TTPAL: variants seen among roughly 807,000 people sequenced by gnomAD.
TTPAL encodes alpha-tocopherol transfer protein-like.
TTPAL carries 21 observed loss-of-function variants against 28.7 expected under a neutral mutation model. The ratio of observed to expected loss-of-function variants is 0.73; its 90% CI spans 0.52 to 1.06. The LOEUF is 1.06. Ranked by LOEUF, TTPAL falls within the 50% of genes least tolerant of loss-of-function variation. The probability of loss-of-function intolerance (pLI) is 0.00; values close to 1 mark genes in which losing one functional copy is unlikely to be tolerated. For synonymous variants in TTPAL, 169 were observed against 171.9 expected (o/e 0.98, Z 0.13); for missense variants, 345 against 425.5 (o/e 0.81, Z 1.67).
intron 1 of TTPAL, among the ~76,000 whole-genome samples, chr20:44,477,655 T>A (rs189606881): frequency 1.3e-5 from 2 of 151,752 alleles, no homozygotes; most frequent in Non-Finnish European, 2.9e-5. Context: ...ATTTATTTAT[T>A]TATTTATTTA....
chr20:44,477,813 C>T (rs371009813), intron 1 of TTPAL, among the ~76,000 whole-genome samples: 1 of 152,040 alleles, frequency 6.6e-6, no homozygotes, highest in East Asian at 1.9e-4. Context: ...CACCACCATG[C>T]CTGGCTAATT....
rs1414578242 is a variant in TTPAL, at chr20:44,479,994, T to C, written c.-6T>C. 2 of 1,610,940 alleles carry C rather than the reference T, an allele frequency of 1.2e-6. No homozygotes were observed. The highest frequency in any genetic ancestry group is 8.5e-7 in the Non-Finnish European group (1 of 1,177,944). On this transcript the variant is annotated 5_prime_UTR_variant, in exon 2 of 5. Coordinates refer to ENST00000262605, the MANE Select transcript of TTPAL (RefSeq NM_001039199.3). The stretch of plus-strand genomic sequence containing the variant: ...GCTTCTCTGTTGGCAGGGACCTTGG[T>C]AGCTAATGTCCGAAGAAAGTGACTC...
intron 1 of TTPAL, among the ~76,000 whole-genome samples, chr20:44,478,360 G>A (rs1238699080): frequency 3.9e-5 from 6 of 152,218 alleles, no homozygotes; most frequent in Admixed American, 3.9e-4. Flanking sequence ...TCAAGCAAAC[G>A]CTGCCTGTTA....
At chr20:44,482,846 G>A (rs929882450) in intron 2 of TTPAL, among the ~76,000 whole-genome samples, 3 of 152,122 alleles carry the variant, frequency 2.0e-5, no homozygotes, top group East Asian at 1.9e-4. Flanking sequence ...CGTCAAGGTC[G>A]TGTATGAGTC....
rs1780078430 is a variant in TTPAL, at chr20:44,480,165, C to T, written c.166C>T (p.Arg56Ter). ...ELQEKPEWRL[R>*]DVQALRDMVR... Reference sequence around the variant, plus strand: ...GCAGGAAAAGCCGGAATGGAGACTTCGAGATGTGCAGGCCCTTCGTGACAT... The same window carrying T: ...GCAGGAAAAGCCGGAATGGAGACTTTGAGATGTGCAGGCCCTTCGTGACAT... The change falls in exon 2 of 5, where the codon CGA (arginine) becomes TGA (stop). Residue 56 changes from arginine to a stop codon, truncating the protein, a stop_gained. Coordinates refer to ENST00000262605, the MANE Select transcript of TTPAL (RefSeq NM_001039199.3). LOFTEE classifies it high-confidence loss of function. The surrounding 1 kb of genome is among the most constrained non-coding windows in gnomAD (Gnocchi z 4.1). 4.3e-6 allele frequency: 7 copies of T among 1,614,146 alleles called. No homozygotes were observed. Among genetic ancestry groups the T allele is most frequent in the Non-Finnish European group, 5.9e-6 (7 of 1,180,016 alleles).
At chr20:44,483,696 C>T (rs1421670680) in intron 2 of TTPAL, among the ~76,000 whole-genome samples, 1 of 152,196 alleles carries the variant, frequency 6.6e-6, no homozygotes, top group African/African-American at 2.4e-5. Flanking sequence ...CCCTATTCTA[C>T]TTATGAGGAC....
At chr20:44,478,352 A>G (rs2064065314) in intron 1 of TTPAL, among the ~76,000 whole-genome samples, 4 of 152,232 alleles carry the variant, frequency 2.6e-5, no homozygotes, top group African/African-American at 9.6e-5. Context: ...CCAGGCCCTC[A>G]AGCAAACGCT....
Position 44,489,455 on chromosome 20 carries a change from A to T in TTPAL, c.943A>T (p.Thr315Ser). 6.2e-7 allele frequency: 1 copy of T among 1,614,226 alleles called. No individual in the cohort carries two copies. The highest frequency in any genetic ancestry group is 8.5e-7 in the Non-Finnish European group (1 of 1,180,032). Residue 315 changes from threonine (T) to serine (S), a missense_variant, in exon 5 of 5, where the codon ACG becomes TCG. Coordinates refer to ENST00000262605, the MANE Select transcript of TTPAL (RefSeq NM_001039199.3). Reference sequence around the variant, plus strand: ...TGCCTGTGACAGCATCCTGGGCCAGACGCTGCTGCCCGAGGGCCTGACCTC... The same window carrying T: ...TGCCTGTGACAGCATCCTGGGCCAGTCGCTGCTGCCCGAGGGCCTGACCTC... ...VPACDSILGQ[T>S]LLPEGLTSDA...
intron 4 of TTPAL, among the ~76,000 whole-genome samples, chr20:44,487,192 G>A (rs542044239): frequency 6.6e-6 from 1 of 151,928 alleles, no homozygotes; most frequent in African/African-American, 2.4e-5. Context: ...TGAGGGAGGA[G>A]AATCACTTGA....
chr20:44,477,621 T>TA (rs2064056551), intron 1 of TTPAL, among the ~76,000 whole-genome samples: 1 of 151,528 alleles, frequency 6.6e-6, no homozygotes, highest in Admixed American at 6.6e-5. Context: ...TAAAATATAT[T>TA]TTTATTTATT....
chr20:44,489,328 G>A lies in TTPAL; in HGVS notation c.816G>A (p.Lys272=), dbSNP rs3746578. 8.5e-5 allele frequency: 138 copies of A among 1,614,174 alleles called. No homozygotes were observed. In the East Asian group the frequency reaches 3.0e-3, roughly 35 times the overall value. ...ACCTTCCAAGAAGCATCCTCCCCAA[G>A]GAGTATGGGGGCACGGCTGGGGAGC... ...HTNLPRSILP[K]EYGGTAGELD... The change falls in exon 5 of 5, where the codon AAG becomes AAA. Residue 272 remains lysine, a synonymous_variant. Coordinates refer to ENST00000262605, the MANE Select transcript of TTPAL (RefSeq NM_001039199.3).
rs1443510529 is a variant in TTPAL, at chr20:44,489,769, A to G, written c.*228A>G. The stretch of plus-strand genomic sequence containing the variant: ...TCCCCACTGATTCTTAAACATTTGG[A>G]ATCCCAGTCTGCAACTATTAATCTG... On this transcript the variant is annotated 3_prime_UTR_variant, in exon 5 of 5. Transcript: ENST00000262605. 1.1e-5 allele frequency: 6 copies of G among 532,198 alleles called. No homozygotes were observed. In the Admixed American group the frequency reaches 2.2e-4, roughly 19 times the overall value. The allele number at this position is 532,198 out of a possible 1,614,324, so 33.0% of individuals were successfully genotyped here.
Position 44,480,503 on chromosome 20 carries a change from C to T in TTPAL, c.445+59C>T. On this transcript the variant is annotated intron_variant, in intron 2 of 4. Coordinates refer to ENST00000262605, the MANE Select transcript of TTPAL (RefSeq NM_001039199.3). This position sits in a 1 kb window ranked among gnomAD's most constrained non-coding sequence, Gnocchi z 4.1. ...CCAGTCCTTCTGCAGTGTGTCCATT[C>T]AGCACCCTGTCCTCCTTTCCAAGTC... The T allele has an allele frequency of 6.8e-7, 1 of 1,466,404 alleles. No individual in the cohort carries two copies. The highest frequency in any genetic ancestry group is 1.3e-5 in the South Asian group (1 of 75,392). The allele number at this position is 1,466,404 out of a possible 1,614,324, so 90.8% of individuals were successfully genotyped here. A position where few individuals can be genotyped will look rare whatever the true frequency, so the allele number is the denominator to read the frequency against.
intron 4 of TTPAL, among the ~76,000 whole-genome samples, chr20:44,488,878 A>G (rs960495654): frequency 6.6e-5 from 10 of 152,180 alleles, no homozygotes; most frequent in African/African-American, 2.2e-4. Flanking sequence ...AAGGCTGTAC[A>G]TAGAGGCACG....
intron 2 of TTPAL, among the ~76,000 whole-genome samples, chr20:44,482,098 C>T (rs1438409133): frequency 6.6e-6 from 1 of 152,180 alleles, no homozygotes; most frequent in African/African-American, 2.4e-5. Flanking sequence ...AGAAAGGTTT[C>T]TTCTCAATTG....
intron 2 of TTPAL, among the ~76,000 whole-genome samples, chr20:44,483,262 G>A (rs2122844114): frequency 6.6e-6 from 1 of 152,306 alleles, no homozygotes; most frequent in African/African-American, 2.4e-5. Flanking sequence ...TTTCCATTCA[G>A]GGGCCCAAAC....
chr20:44,480,439 G>A lies in TTPAL; in HGVS notation c.440G>A (p.Arg147His), dbSNP rs772572823. ...AGGGGCTGCCATGTCGTCTGCATCC[G>A]CCCAGGTATCTCCCTAGACTGTTGT... is the stretch of plus-strand genomic sequence containing the variant. ...DPRGCHVVCIRPDRWIPSNYP... is the reference protein window; with the variant it reads ...DPRGCHVVCIHPDRWIPSNYP... Residue 147 changes from arginine to histidine, a missense_variant, in exon 2 of 5, where the codon CGC (arginine) becomes CAC (histidine). Coordinates refer to ENST00000262605, the MANE Select transcript of TTPAL (RefSeq NM_001039199.3). The surrounding 1 kb of genome is among the most constrained non-coding windows in gnomAD (Gnocchi z 4.1). 1.6e-5 allele frequency: 25 copies of A among 1,597,382 alleles called. No homozygotes were observed. Among genetic ancestry groups the A allele is most frequent in the African/African-American group, 1.2e-4 (9 of 74,606 alleles).
At chr20:44,479,829 C>T (rs922935065) in intron 1 of TTPAL, 156 bp from the exon 2 acceptor site, 15 of 666,700 alleles carry the variant, frequency 2.2e-5, no homozygotes, top group Non-Finnish European at 3.0e-5. Flanking sequence ...GTCAGACTTG[C>T]GTGTATGGTT....
rs149667237 is a variant in TTPAL, at chr20:44,480,196, G to A, written c.197G>A (p.Arg66Gln). ...RDVQALRDMV[R>Q]KEYPNLSTSL... ...GTGCAGGCCCTTCGTGACATGGTGCGGAAGGAGTACCCCAACCTGAGCACA... is the reference window on the plus strand; with the variant it reads ...GTGCAGGCCCTTCGTGACATGGTGCAGAAGGAGTACCCCAACCTGAGCACA... The change falls in exon 2 of 5, where the codon CGG becomes CAG. Residue 66 changes from arginine (R) to glutamine (Q), a missense_variant. By Grantham distance (43) the Arg-to-Gln change is conservative. Coordinates refer to ENST00000262605, the MANE Select transcript of TTPAL (RefSeq NM_001039199.3). The surrounding 1 kb of genome is among the most constrained non-coding windows in gnomAD (Gnocchi z 4.1). 11 of 1,614,088 alleles carry A rather than the reference G, an allele frequency of 6.8e-6. No individual in the cohort carries two copies. Among genetic ancestry groups the A allele is most frequent in the Middle Eastern group, 1.6e-4 (1 of 6,062 alleles).
Sources: gnomAD v4.1 joint callset for allele counts (sites outside exome capture counted in the v4.1 genomes callset) on GRCh38, gnomAD v4.1.1 for gene constraint, Gnocchi (gnomAD v3.1) non-coding constraint, MANE v1.5 for transcripts, NCBI Gene and HGNC (gene_info 2026-07-23, HGNC 2026-07-21) for gene names.